Variants in GNAL observed in about 807,000 individuals in gnomAD.
GNAL encodes G protein subunit alpha L, also known as guanine nucleotide-binding protein G(olf) subunit alpha.
Under a neutral mutation model 55.1 loss-of-function variants are expected in GNAL, and 18 were observed. The ratio of observed to expected loss-of-function variants is 0.33; its 90% CI spans 0.23 to 0.48. GNAL has a LOEUF of 0.48. Among genes scored for constraint, GNAL ranks in the 20% least tolerant of loss-of-function variants. GNAL has a pLI of 0.99. For missense variants in GNAL, 412 were observed against 614.1 expected (o/e 0.67, Z 3.48); for synonymous variants, 253 against 237.0 (o/e 1.07, Z -0.62).
At chr18:11,846,265 G>A (rs2035732547) in intron 5 of GNAL, among the ~76,000 whole-genome samples, 1 of 151,962 alleles carries the variant, frequency 6.6e-6, no homozygotes, top group African/African-American at 2.4e-5. Context: ...TCTCATAACA[G>A]TATTAACTCA....
chr18:11,786,000 C>T (rs1323174856), intron 4 of GNAL, among the ~76,000 whole-genome samples: 1 of 152,204 alleles, frequency 6.6e-6, no homozygotes, highest in Non-Finnish European at 1.5e-5. Context: ...AGTGGGGCTG[C>T]CCCTCCTTCA....
intron 4 of GNAL, among the ~76,000 whole-genome samples, chr18:11,787,745 G>T (rs192710013): frequency 6.6e-6 from 1 of 152,020 alleles, no homozygotes; most frequent in Non-Finnish European, 1.5e-5. Flanking sequence ...ATGGTGGCGG[G>T]TGCCTGTAGT....
At chr18:11,696,713 G>C (rs150019922) in intron 1 of GNAL, among the ~76,000 whole-genome samples, 1,523 of 152,222 alleles carry the variant, frequency 0.01, 13 homozygotes, top group African/African-American at 0.035. Flanking sequence ...CTTGGCAAAA[G>C]ACCAGAAGTT....
chr18:11,833,048 T>C (rs2035422022), intron 5 of GNAL, among the ~76,000 whole-genome samples: 1 of 151,920 alleles, frequency 6.6e-6, no homozygotes, highest in Admixed American at 6.6e-5. Flanking sequence ...TTTCAGATTT[T>C]TTTTTTTTCG....
At chr18:11,860,088 G>A (rs1208461520) in intron 5 of GNAL, among the ~76,000 whole-genome samples, 1 of 152,170 alleles carries the variant, frequency 6.6e-6, no homozygotes, top group African/African-American at 2.4e-5. Flanking sequence ...TGCAGTCACA[G>A]ACACCACTCC....
intron 4 of GNAL, among the ~76,000 whole-genome samples, chr18:11,793,324 T>C (rs10401100): frequency 0.33 from 50,349 of 152,046 alleles, 10,663 homozygotes; most frequent in African/African-American, 0.61. Context: ...GCCTTTAATC[T>C]CAGCATTTTG....
chr18:11,787,980 A>G (rs2034109030), intron 4 of GNAL, among the ~76,000 whole-genome samples: 2 of 152,094 alleles, frequency 1.3e-5, no homozygotes, highest in Non-Finnish European at 2.9e-5. Flanking sequence ...ACCCAGTTTC[A>G]TTGACATTGC....
At chr18:11,798,384 C>T (rs1301296989) in intron 4 of GNAL, among the ~76,000 whole-genome samples, 1 of 152,164 alleles carries the variant, frequency 6.6e-6, no homozygotes, top group East Asian at 1.9e-4. Context: ...CAGTATGTCA[C>T]CAGAGTGCCT....
intron 4 of GNAL, among the ~76,000 whole-genome samples, chr18:11,790,449 A>G (rs2034197718): frequency 6.6e-6 from 1 of 152,158 alleles, no homozygotes; most frequent in Admixed American, 6.5e-5. Context: ...TCACACTAAG[A>G]TGGACTTCAT....
rs561249785 is a variant in GNAL, at chr18:11,879,677, G to A, written c.1231-1312G>A. Among the ~76,000 whole-genome samples the A allele has an allele frequency of 2.6e-4, 40 of 152,210 alleles. 2 individuals carry two copies. The South Asian group carries it at 6.0e-3, about 23-fold the overall frequency. Reference sequence around the variant, plus strand: ...CGTCAGGGATTCCACACAACTTCAGGGAACACAATTTGGCCCTAACAGCCT... The same window carrying A: ...CGTCAGGGATTCCACACAACTTCAGAGAACACAATTTGGCCCTAACAGCCT... On this transcript the variant is annotated intron_variant, in intron 11 of 11. Transcript: ENST00000334049.
chr18:11,795,177 A>T (rs1000847124), intron 4 of GNAL, among the ~76,000 whole-genome samples: 7 of 152,072 alleles, frequency 4.6e-5, no homozygotes, highest in African/African-American at 1.7e-4. Flanking sequence ...AGGCAGCTGG[A>T]TCACTTGAGT....
intron 6 of GNAL, among the ~76,000 whole-genome samples, chr18:11,863,870 C>T (rs1403040338): frequency 6.6e-6 from 1 of 152,226 alleles, no homozygotes; most frequent in Non-Finnish European, 1.5e-5. Flanking sequence ...CCCAAGCCAT[C>T]GTGAGTTTCA....
At chr18:11,858,931 T>C (rs1211117659) in intron 5 of GNAL, among the ~76,000 whole-genome samples, 1 of 152,190 alleles carries the variant, frequency 6.6e-6, no homozygotes, top group African/African-American at 2.4e-5. Flanking sequence ...TCACTGGTCT[T>C]TCATAGTGCA....
rs1218087092 is a variant in GNAL, at chr18:11,882,268, A to G, written c.*1133A>G. On this transcript the variant is annotated 3_prime_UTR_variant, in exon 12 of 12. Coordinates refer to ENST00000334049, the MANE Select transcript of GNAL (RefSeq NM_182978.4). ...ATTTTTTTCTCTCTCTCTAGACAAT[A>G]TGTTTCCTCATTAGTCTGCTAATGA... is the stretch of plus-strand genomic sequence containing the variant. 6.6e-6 allele frequency: 1 copy of G among 152,142 alleles called. No individual in the cohort carries two copies. Among genetic ancestry groups the G allele is most frequent in the Non-Finnish European group, 1.5e-5 (1 of 68,026 alleles). The allele number at this position is 152,142 out of a possible 1,614,324, so 9.4% of individuals were successfully genotyped here.
At position 11,880,724 on chromosome 18, in the gene GNAL, G is replaced by T. The variant is rs76301383; in HGVS notation, c.1231-265G>T. Among the ~76,000 whole-genome samples, 107 of 152,282 alleles carry T rather than the reference G, an allele frequency of 7.0e-4. 1 individual carries two copies. In the East Asian group the frequency reaches 0.019, roughly 26 times the overall value. Reference sequence around the variant, plus strand: ...AAACTCTGTTCAGACCTTCCTTTTTGGAAGCTCCTCCCTTGACTTGCCTGC... The same window carrying T: ...AAACTCTGTTCAGACCTTCCTTTTTTGAAGCTCCTCCCTTGACTTGCCTGC... On this transcript the variant is annotated intron_variant, in intron 11 of 11. Coordinates refer to ENST00000334049, the MANE Select transcript of GNAL (RefSeq NM_182978.4).
chr18:11,692,844 A>T (rs2031296160), intron 1 of GNAL, among the ~76,000 whole-genome samples: 1 of 152,146 alleles, frequency 6.6e-6, no homozygotes, highest in Non-Finnish European at 1.5e-5. Flanking sequence ...GACAAGTCTC[A>T]CTACGCTGGC....
intron 4 of GNAL, among the ~76,000 whole-genome samples, chr18:11,788,914 A>AAAAAATATATATATAT (rs60071996): frequency 1.8e-5 from 1 of 56,294 alleles, no homozygotes; most frequent in Non-Finnish European, 2.9e-5. Flanking sequence ...AAAAAAAAAA[A>AAAAAATATATATATAT]ATATATATAT....
At chr18:11,814,527 C>CAGAAA (rs1309444612) in intron 4 of GNAL, among the ~76,000 whole-genome samples, 1 of 150,516 alleles carries the variant, frequency 6.6e-6, no homozygotes, top group African/African-American at 2.4e-5. Flanking sequence ...GACTCTGTCT[C>CAGAAA]AGAAAAGAAA....
intron 6 of GNAL, among the ~76,000 whole-genome samples, chr18:11,862,880 A>AT (rs35630944): frequency 0.07 from 9,452 of 135,054 alleles, 1,073 homozygotes; most frequent in African/African-American, 0.24. Context: ...GCACTCCACC[A>AT]TTTTTTTTTT....
Sources: allele counts gnomAD v4.1 joint callset (sites outside exome capture counted in the v4.1 genomes callset), GRCh38; gene constraint gnomAD v4.1.1; transcripts MANE v1.5; gene names NCBI Gene and HGNC (gene_info 2026-07-23, HGNC 2026-07-21).